Variants in EFCAB14 observed in about 807,000 individuals in gnomAD.
EFCAB14 encodes EF-hand calcium-binding domain-containing protein 14.
In EFCAB14, 43 loss-of-function variants were observed where a neutral mutation model predicts 56.5. The observed-to-expected ratio is 0.76, with a 90% confidence interval of 0.60 to 0.98. The LOEUF (loss-of-function observed/expected upper bound fraction) is 0.98. Among genes scored for constraint, EFCAB14 ranks in the 50% least tolerant of loss-of-function variants. The pLI, the probability that EFCAB14 is intolerant of heterozygous loss-of-function variation, is 0.00. For missense variants in EFCAB14, 538 were observed against 580.3 expected (o/e 0.93, Z 0.75); for synonymous variants, 235 against 212.9 (o/e 1.10, Z -0.90).
chr1:46,683,391 T>G lies in EFCAB14; in HGVS notation c.1221A>C (p.Ala407=). The change falls in exon 10 of 11, where the codon GCA becomes GCC. Residue 407 remains alanine, a synonymous_variant. Coordinates refer to ENST00000371933, the MANE Select transcript of EFCAB14 (RefSeq NM_014774.3). The stretch of plus-strand genomic sequence containing the variant: ...CAAGAAACTGTGAAAATTTTGGCAA[T>G]GCTGATGGCTTTGATGTGAAACTCT... ...QVESFTSKPS[A]LPKFSQFLGD... The G allele has an allele frequency of 6.2e-7, 1 of 1,614,066 alleles. No individual in the cohort carries two copies.
At chr1:46,708,678 A>G (rs1389489335) in intron 2 of EFCAB14, among the ~76,000 whole-genome samples, 1 of 152,218 alleles carries the variant, frequency 6.6e-6, no homozygotes, top group Non-Finnish European at 1.5e-5. Flanking sequence ...AATCTTTTTC[A>G]TAAGTAGTAA....
chr1:46,695,859 T>C (rs1677071351), intron 4 of EFCAB14, among the ~76,000 whole-genome samples: 1 of 152,094 alleles, frequency 6.6e-6, no homozygotes, highest in Non-Finnish European at 1.5e-5. Context: ...TTAAAATTTT[T>C]TGTAAAGACG....
chr1:46,679,467 A>T (rs1037976888), intron 10 of EFCAB14, among the ~76,000 whole-genome samples: 13 of 151,182 alleles, frequency 8.6e-5, no homozygotes, highest in African/African-American at 2.9e-4. Context: ...CGCCCAGCTA[A>T]TTTTTTTTAA....
chr1:46,707,795 TA>T, intron 3 of EFCAB14, 110 bp downstream of exon 3: 1 of 1,155,120 alleles, frequency 8.7e-7, no homozygotes. Flanking sequence ...TTTCAAAAAG[TA>T]AAACAAACTG....
chr1:46,707,780 C>A (rs529426383), intron 3 of EFCAB14, 126 bp downstream of exon 3: 3 of 900,300 alleles, frequency 3.3e-6, no homozygotes, highest in Non-Finnish European at 4.8e-6. Flanking sequence ...GTATGCAAAA[C>A]CCCATTTCAA....
At chr1:46,693,531 A>C (rs3766216) in intron 4 of EFCAB14, among the ~76,000 whole-genome samples, 1 of 152,130 alleles carries the variant, frequency 6.6e-6, no homozygotes, top group Admixed American at 6.5e-5. Flanking sequence ...CTGGTTTGCT[A>C]TCTATGTAAG....
intron 3 of EFCAB14, among the ~76,000 whole-genome samples, chr1:46,699,648 T>C (rs1273068532): frequency 1.3e-5 from 2 of 152,194 alleles, no homozygotes; most frequent in African/African-American, 2.4e-5. Flanking sequence ...CATCAGTAAC[T>C]GGGTATAATA....
chr1:46,681,103 T>C (rs1676786916), intron 10 of EFCAB14, among the ~76,000 whole-genome samples: 1 of 151,954 alleles, frequency 6.6e-6, no homozygotes, highest in African/African-American at 2.4e-5. Context: ...GATTACAGGG[T>C]GTGCGCTACC....
At chr1:46,688,585 C>A (rs114965988) in intron 6 of EFCAB14, 41 bp from the exon 7 acceptor site, 5 of 1,570,744 alleles carry the variant, frequency 3.2e-6, no homozygotes, top group Non-Finnish European at 4.4e-6. Flanking sequence ...CCACTAAAGA[C>A]GTAAATTAGA....
chr1:46,711,693 TA>T (rs1411143612), intron 2 of EFCAB14, among the ~76,000 whole-genome samples: 1 of 152,238 alleles, frequency 6.6e-6, no homozygotes, highest in Non-Finnish European at 1.5e-5. Context: ...CAAAAGAATT[TA>T]CCTAGTTCTT....
At chr1:46,691,400 G>A (rs571114827) in intron 5 of EFCAB14, among the ~76,000 whole-genome samples, 42 of 152,302 alleles carry the variant, frequency 2.8e-4, no homozygotes, top group Non-Finnish European at 5.4e-4. Flanking sequence ...TCATCCACGA[G>A]CACATGTTTC....
chr1:46,690,349 A>C (rs1378827116), intron 5 of EFCAB14, among the ~76,000 whole-genome samples: 1 of 152,202 alleles, frequency 6.6e-6, no homozygotes, highest in Non-Finnish European at 1.5e-5. Context: ...CATAACTATG[A>C]CTTATCTAGC....
At chr1:46,683,875 C>T (rs1676836487) in intron 9 of EFCAB14, among the ~76,000 whole-genome samples, 1 of 152,182 alleles carries the variant, frequency 6.6e-6, no homozygotes, top group Non-Finnish European at 1.5e-5. Flanking sequence ...CATTCCACCA[C>T]AGTTCTGTCT....
intron 10 of EFCAB14, among the ~76,000 whole-genome samples, chr1:46,678,955 A>G (rs1277048821): frequency 6.6e-6 from 1 of 152,222 alleles, no homozygotes; most frequent in African/African-American, 2.4e-5. Context: ...AGACACTGCC[A>G]AAGTAGAAGC....
chr1:46,694,605 T>C (rs929176825), intron 4 of EFCAB14, among the ~76,000 whole-genome samples: 3 of 152,126 alleles, frequency 2.0e-5, no homozygotes, highest in East Asian at 1.9e-4. Flanking sequence ...TGTGGAGAAA[T>C]AGGAACACTT....
At position 46,688,559 on chromosome 1, in the gene EFCAB14, A is replaced by T. The variant is rs773949581; in HGVS notation, c.796-15T>A. On this transcript the variant is annotated splice_polypyrimidine_tract_variant and intron_variant, in intron 6 of 10. Transcript: ENST00000371933. ...TACAGGATATCCTAGAGTGGAAATA[A>T]ATAAAGTTATGGAATCCACTAAAGA... is the stretch of plus-strand genomic sequence containing the variant. 6.2e-7 allele frequency: 1 copy of T among 1,608,766 alleles called. No individual in the cohort carries two copies. Among genetic ancestry groups the T allele is most frequent in the East Asian group, 2.2e-5 (1 of 44,806 alleles).
intron 6 of EFCAB14, among the ~76,000 whole-genome samples, chr1:46,689,207 A>T (rs1676938757): frequency 6.6e-6 from 1 of 152,146 alleles, no homozygotes; most frequent in South Asian, 2.1e-4. Context: ...TATGCTTTCT[A>T]ACATTCTTAG....
At chr1:46,703,537 C>A (rs2148847910) in intron 3 of EFCAB14, among the ~76,000 whole-genome samples, 1 of 152,234 alleles carries the variant, frequency 6.6e-6, no homozygotes, top group Admixed American at 6.5e-5. Flanking sequence ...AGAACCATAA[C>A]TCATGCCTGA....
chr1:46,676,918 A>G lies in EFCAB14; in HGVS notation c.*1543T>C, dbSNP rs186610745. ...TGTTTAAGGGTACCGGACTGTATCC[A>G]TGGTGAAGGGCAACCTGAACAAAGT... On this transcript the variant is annotated 3_prime_UTR_variant, in exon 11 of 11. Coordinates refer to ENST00000371933, the MANE Select transcript of EFCAB14 (RefSeq NM_014774.3). 1 of 152,628 alleles carries G rather than the reference A, an allele frequency of 6.6e-6. No homozygotes were observed. Among genetic ancestry groups the G allele is most frequent in the East Asian group, 1.9e-4 (1 of 5,178 alleles). 9.5% of individuals were successfully genotyped at this position (152,628 alleles called of 1,614,324 possible).
Sources: gnomAD v4.1 joint callset for allele counts (sites outside exome capture counted in the v4.1 genomes callset) on GRCh38, gnomAD v4.1.1 for gene constraint, MANE v1.5 for transcripts, NCBI Gene and HGNC (gene_info 2026-07-23, HGNC 2026-07-21) for gene names.